ADAMTSL1: variants seen among roughly 807,000 people sequenced by gnomAD.
ADAMTSL1 encodes the protein ADAMTS like 1.
A neutral mutation model predicts 201.8 loss-of-function variants in ADAMTSL1; 126 were observed. That is an observed-to-expected ratio of 0.62 (90% CI 0.54 to 0.72). The LOEUF (loss-of-function observed/expected upper bound fraction) is 0.72, where lower values mean the gene tolerates loss of function less well. ADAMTSL1 is among the 30% of genes least tolerant of loss of function. The probability of loss-of-function intolerance (pLI) is 0.00; values close to 1 mark genes in which losing one functional copy is unlikely to be tolerated. For synonymous variants in ADAMTSL1, 1,121 were observed against 903.4 expected, an observed-to-expected ratio of 1.24 and a Z score of -4.32; for missense variants, 2,679 against 2,277.8, an observed-to-expected ratio of 1.18 and a Z score of -3.59.
chr9:18,343,553 TAGTC>T (rs1835565673), intron 2 of ADAMTSL1, among the ~76,000 whole-genome samples: 1 of 152,196 alleles, frequency 6.6e-6, no homozygotes, highest in Non-Finnish European at 1.5e-5. Flanking sequence ...GTGTCATTGG[TAGTC>T]AGTGCAATTG....
chr9:18,806,160 G>C (rs1219262695), intron 20 of ADAMTSL1, among the ~76,000 whole-genome samples: 1 of 152,198 alleles, frequency 6.6e-6, no homozygotes, highest in East Asian at 1.9e-4. Context: ...TTAAGCCTGG[G>C]TTAAATGGCA....
intron 2 of ADAMTSL1, among the ~76,000 whole-genome samples, chr9:18,426,659 A>G (rs1243860949): frequency 6.6e-6 from 1 of 152,190 alleles, no homozygotes; most frequent in Non-Finnish European, 1.5e-5. Context: ...GATTTAGTGT[A>G]GGGACATAGC....
chr9:18,491,676 A>G (rs1034892484), intron 1 of ADAMTSL1, among the ~76,000 whole-genome samples: 1 of 152,196 alleles, frequency 6.6e-6, no homozygotes, highest in Non-Finnish European at 1.5e-5. Context: ...CATATATACA[A>G]TATCTGGATT....
At chr9:18,396,993 T>C (rs963977897) in intron 2 of ADAMTSL1, among the ~76,000 whole-genome samples, 8 of 145,684 alleles carry the variant, frequency 5.5e-5, no homozygotes, top group Non-Finnish European at 1.2e-4. Flanking sequence ...CTGGCTCTTG[T>C]ATTTTCTAAC....
chr9:18,598,992 C>T (rs1174840776), intron 4 of ADAMTSL1, among the ~76,000 whole-genome samples: 2 of 152,050 alleles, frequency 1.3e-5, no homozygotes, highest in African/African-American at 4.8e-5. Context: ...TCCTCTCTGC[C>T]CCACAGGTTC....
At chr9:18,778,976 T>C (rs989710312) in intron 19 of ADAMTSL1, among the ~76,000 whole-genome samples, 1 of 152,252 alleles carries the variant, frequency 6.6e-6, no homozygotes, top group Non-Finnish European at 1.5e-5. Context: ...ATGCTATTGT[T>C]TGACTAATAG....
chr9:18,900,889 T>C (rs1829979064), intron 26 of ADAMTSL1, among the ~76,000 whole-genome samples: 1 of 151,924 alleles, frequency 6.6e-6, no homozygotes. Flanking sequence ...GGCACAAATC[T>C]GCACATGTAC....
chr9:18,250,559 A>G (rs1831422899), intron 2 of ADAMTSL1, among the ~76,000 whole-genome samples: 1 of 152,158 alleles, frequency 6.6e-6, no homozygotes, highest in African/African-American at 2.4e-5. Flanking sequence ...TCTGAGCCCT[A>G]GAAAACCTGG....
Position 17,910,731 on chromosome 9 carries a change from G to A in ADAMTSL1, c.87+3809G>A. On this transcript the variant is annotated intron_variant, in intron 1 of 29. Coordinates refer to the ADAMTSL1 transcript ENST00000680146. ...ATGCCTTTGAGAGTTAACTTGGTCA[G>A]GTGTTTGTCAGAGCAGCTGTTTAAA... Among the ~76,000 whole-genome samples, 2 of 68,494 alleles carry A rather than the reference G, an allele frequency of 2.9e-5. 1 individual carries two copies. The highest frequency in any genetic ancestry group is 8.9e-5 in the Non-Finnish European group (2 of 22,356). The allele number at this position is 68,494 out of a possible 152,430, so 44.9% of individuals were successfully genotyped here.
intron 1 of ADAMTSL1, among the ~76,000 whole-genome samples, chr9:18,148,436 A>G (rs1202770829): frequency 2.0e-5 from 3 of 152,032 alleles, no homozygotes; most frequent in Non-Finnish European, 2.9e-5. Flanking sequence ...CAGATACTAA[A>G]GTCAAGTCAA....
chr9:18,221,403 T>G (rs953929733), intron 2 of ADAMTSL1, among the ~76,000 whole-genome samples: 8 of 152,210 alleles, frequency 5.3e-5, no homozygotes, highest in Non-Finnish European at 1.2e-4. Flanking sequence ...CACTCTGTTC[T>G]CTTATTCTAG....
At chr9:18,089,776 T>G (rs1042146529) in intron 1 of ADAMTSL1, among the ~76,000 whole-genome samples, 3 of 152,166 alleles carry the variant, frequency 2.0e-5, no homozygotes, top group Non-Finnish European at 4.4e-5. Flanking sequence ...TGAGAATTGC[T>G]TATTGATAGA....
At chr9:18,441,152 A>G (rs925766840) in intron 2 of ADAMTSL1, among the ~76,000 whole-genome samples, 4 of 151,730 alleles carry the variant, frequency 2.6e-5, no homozygotes, top group African/African-American at 7.3e-5. Flanking sequence ...ATTAGTAGCT[A>G]TCAGGGGCTG....
chr9:18,188,527 C>T (rs778137016), intron 2 of ADAMTSL1, among the ~76,000 whole-genome samples: 1 of 152,002 alleles, frequency 6.6e-6, no homozygotes, highest in African/African-American at 2.4e-5. Flanking sequence ...AGAAAGGATG[C>T]AAATAGGTGA....
chr9:18,323,853 T>G (rs1300194749), intron 2 of ADAMTSL1, among the ~76,000 whole-genome samples: 1 of 152,184 alleles, frequency 6.6e-6, no homozygotes, highest in Non-Finnish European at 1.5e-5. Flanking sequence ...TGGAAAGATA[T>G]GCCATGTACG....
chr9:18,495,277 C>T (rs1003312205), intron 1 of ADAMTSL1, among the ~76,000 whole-genome samples: 9 of 152,170 alleles, frequency 5.9e-5, no homozygotes, highest in African/African-American at 2.2e-4. Flanking sequence ...AGAAACTTCA[C>T]ATTCATGTGA....
chr9:18,807,645 CAAAAA>C lies in ADAMTSL1; in HGVS notation c.3806-9455_3806-9451del, dbSNP rs1179713904. Among the ~76,000 whole-genome samples the C allele has an allele frequency of 5.7e-4, 39 of 68,624 alleles. 1 individual carries two copies. Among genetic ancestry groups the C allele is most frequent in the East Asian group, 9.3e-4 (2 of 2,142 alleles). 45.0% of individuals were successfully genotyped at this position (68,624 alleles called of 152,430 possible). ...AGGGCGACAGAGCGAGACTCTGTCTCAAAAAAAAAAAAACAAAAAAAAAACAAAGC... is the reference window on the plus strand; with the variant it reads ...AGGGCGACAGAGCGAGACTCTGTCTCAAAAAAAACAAAAAAAAAACAAAGC... On this transcript the variant is annotated intron_variant, in intron 20 of 28. Transcript: ENST00000380548.
intron 1 of ADAMTSL1, among the ~76,000 whole-genome samples, chr9:17,947,924 C>A (rs951776774): frequency 2.0e-5 from 3 of 152,160 alleles, no homozygotes; most frequent in Non-Finnish European, 4.4e-5. Flanking sequence ...CATCTTCAGG[C>A]ACCATCTTCC....
At chr9:18,745,973 A>G (rs1055652965) in intron 15 of ADAMTSL1, among the ~76,000 whole-genome samples, 3 of 152,168 alleles carry the variant, frequency 2.0e-5, no homozygotes, top group Non-Finnish European at 4.4e-5. Flanking sequence ...CAGTCCCTAC[A>G]AAGTGGAAGA....
Sources: gnomAD v4.1 joint callset for allele counts (sites outside exome capture counted in the v4.1 genomes callset) on GRCh38, gnomAD v4.1.1 for gene constraint, MANE v1.5 for transcripts, NCBI Gene and HGNC (gene_info 2026-07-23, HGNC 2026-07-21) for gene names.